UBQLN3: variants seen among roughly 807,000 people sequenced by gnomAD.
UBQLN3 encodes ubiquilin 3.
UBQLN3 carries 1 observed loss-of-function variant against 2.9 expected under a neutral mutation model. The ratio of observed to expected loss-of-function variants is 0.35; its 90% CI spans 0.12 to 1.66. The LOEUF (loss-of-function observed/expected upper bound fraction) is 1.66, where lower values mean the gene tolerates loss of function less well. Among genes scored for constraint, UBQLN3 ranks in the 40% most tolerant of loss-of-function variants. The pLI is 0.35. For missense variants in UBQLN3, 924 were observed against 816.5 expected, an observed-to-expected ratio of 1.13 and a Z score of -1.61; for synonymous variants, 358 against 317.6, an observed-to-expected ratio of 1.13 and a Z score of -1.35.
rs2234450 is a variant in UBQLN3, at chr11:5,508,700, T to C, written c.859A>G (p.Thr287Ala). Residue 287 changes from threonine (T) to alanine (A), a missense_variant, in exon 2 of 2, where the codon ACC (threonine) becomes GCC (alanine). Thr to Ala is a moderately conservative substitution (Grantham distance 58, BLOSUM62 0). Transcript: ENST00000311659. The surrounding 1 kb of genome is among the most constrained non-coding windows in gnomAD (Gnocchi z 4.2). ...PFATATTDNA[T>A]TTTSQPSRME... ...CTTGAAGGTTGGCTGGTGGTGGTGG[T>C]GGCATTATCAGTAGTGGCAGTGGCA... 6.2e-7 allele frequency: 1 copy of C among 1,613,974 alleles called. No homozygotes were observed. The highest frequency in any genetic ancestry group is 8.5e-7 in the Non-Finnish European group (1 of 1,180,000).
In UBQLN3 at chr11:5,509,333, G is replaced by A. The variant is rs1300855747; in HGVS notation, c.226C>T (p.Leu76=). ...AGKILKDPDS[L]AQCGVRDGLT... Reference sequence around the variant, plus strand: ...CCATCTCGCACTCCACACTGTGCCAGTGAGTCAGGATCCTTGAGGATTTTG... The same window carrying A: ...CCATCTCGCACTCCACACTGTGCCAATGAGTCAGGATCCTTGAGGATTTTG... The change falls in exon 2 of 2, where the codon CTG becomes TTG. Residue 76 remains leucine (L), a synonymous_variant. Coordinates refer to ENST00000311659, the MANE Select transcript of UBQLN3 (RefSeq NM_017481.4). The A allele has an allele frequency of 1.9e-6, 3 of 1,614,188 alleles. No individual in the cohort carries two copies. Among genetic ancestry groups the A allele is most frequent in the Middle Eastern group, 3.3e-4 (2 of 6,062 alleles).
rs1846419875 is a variant in UBQLN3 at position 5,508,491 on chromosome 11, T to C, written c.1068A>G (p.Leu356=). ...ATGCAGTCCCCTGTAGATAAGTTCC[T>C]AGGGACTGGGGGTTCTCGTGTAATT... ...LQQLHENPQS[L]GTYLQGTASA... Residue 356 remains leucine, a synonymous_variant, in exon 2 of 2, where the codon CTA becomes CTG. Coordinates refer to ENST00000311659, the MANE Select transcript of UBQLN3 (RefSeq NM_017481.4). This position sits in a 1 kb window ranked among gnomAD's most constrained non-coding sequence, Gnocchi z 4.2. 1.2e-6 allele frequency: 2 copies of C among 1,613,802 alleles called. No individual in the cohort carries two copies. Among genetic ancestry groups the C allele is most frequent in the Non-Finnish European group, 1.7e-6 (2 of 1,179,938 alleles).
chr11:5,508,901 T>C lies in UBQLN3; in HGVS notation c.658A>G (p.Thr220Ala). The C allele has an allele frequency of 6.2e-7, 1 of 1,614,236 alleles. No homozygotes were observed. The highest frequency in any genetic ancestry group is 8.5e-7 in the Non-Finnish European group (1 of 1,180,046). The change falls in exon 2 of 2, where the codon ACA (threonine) becomes GCA (alanine). Residue 220 changes from threonine to alanine, a missense_variant. By Grantham distance (58) the Thr-to-Ala change is moderately conservative. Coordinates refer to ENST00000311659, the MANE Select transcript of UBQLN3 (RefSeq NM_017481.4). This position sits in a 1 kb window ranked among gnomAD's most constrained non-coding sequence, Gnocchi z 4.2. ...ILNNPEIMRQ[T>A]LEFLRNPAMM... Reference sequence around the variant, plus strand: ...GCAGGGTTACGTAAAAACTCCAGTGTCTGCCGCATAATTTCCGGGTTGTTA... The same window carrying C: ...GCAGGGTTACGTAAAAACTCCAGTGCCTGCCGCATAATTTCCGGGTTGTTA...
Position 5,509,543 on chromosome 11 carries a change from CT to C in UBQLN3, c.15del (p.Glu6LysfsTer19). The C allele has an allele frequency of 6.2e-7, 1 of 1,613,336 alleles. No individual in the cohort carries two copies. Among genetic ancestry groups the C allele is most frequent in the East Asian group, 2.2e-5 (1 of 44,856 alleles). ...GCTGGGCTGCCCTGTGGCAGGGCTT[CT>C]CCACCTTTGGCCATGGTGGCAGCAG... MAKG[G>X]EALPQGSPAP... On this transcript the variant is annotated frameshift_variant, in exon 2 of 2. Coordinates refer to ENST00000311659, the MANE Select transcript of UBQLN3 (RefSeq NM_017481.4). LOFTEE classifies it low-confidence loss of function (END_TRUNC).
Position 5,508,037 on chromosome 11 carries a change from G to A in UBQLN3, c.1522C>T (p.Leu508=), listed in dbSNP as rs1156811079. ...QDEIQPQLPL[L]MHLQAAMANP... is the part of the protein sequence containing the mutation. ...GCCATGGCTGCCTGAAGGTGCATCA[G>A]CAGTGGCAGCTGTGGTTGTATCTCA... The change falls in exon 2 of 2, where the codon CTG becomes TTG. Residue 508 remains leucine (L), a synonymous_variant. Transcript: ENST00000311659. The surrounding 1 kb of genome is among the most constrained non-coding windows in gnomAD (Gnocchi z 4.2). 1 of 1,613,938 alleles carries A rather than the reference G, an allele frequency of 6.2e-7. No homozygotes were observed. Among genetic ancestry groups the A allele is most frequent in the Non-Finnish European group, 8.5e-7 (1 of 1,180,050 alleles).
chr11:5,509,173 G>T lies in UBQLN3; in HGVS notation c.386C>A (p.Pro129His). The T allele has an allele frequency of 6.2e-7, 1 of 1,613,926 alleles. No individual in the cohort carries two copies. The highest frequency in any genetic ancestry group is 8.5e-7 in the Non-Finnish European group (1 of 1,179,854). Residue 129 changes from proline (P) to histidine (H), a missense_variant, in exon 2 of 2, where the codon CCC becomes CAC. Coordinates refer to ENST00000311659, the MANE Select transcript of UBQLN3 (RefSeq NM_017481.4). ...GAGGAGACCTAAGCTAAAGGCAGGG[G>T]GCCCATCTGCTGGGTAAATGGAGCT... is the stretch of plus-strand genomic sequence containing the variant. Reference protein sequence around the residue: ...QPSSIYPADGPPAFSLGLLTG... With the variant: ...QPSSIYPADGHPAFSLGLLTG...
intron 1 of UBQLN3, 125 bp from the exon 2 acceptor site, chr11:5,509,719 C>T (rs181455367): frequency 8.1e-7 from 1 of 1,235,482 alleles, no homozygotes. Flanking sequence ...ATGAAAGGGG[C>T]CATGAGGTTT....
At position 5,508,406 on chromosome 11, in the gene UBQLN3, G is replaced by T; in HGVS notation, c.1153C>A (p.Pro385Thr). ...CCTGACCCAGGCTCCTGAGATGAGG[G>T]TGACGATGGGGGAACTCTGTTTACT... ...PSVNRVPPSS[P>T]SSQEPGSGQP... Residue 385 changes from proline to threonine, a missense_variant, in exon 2 of 2, where the codon CCC becomes ACC. Coordinates refer to ENST00000311659, the MANE Select transcript of UBQLN3 (RefSeq NM_017481.4). The surrounding 1 kb of genome is among the most constrained non-coding windows in gnomAD (Gnocchi z 4.2). The T allele has an allele frequency of 6.2e-7, 1 of 1,601,942 alleles. No individual in the cohort carries two copies. The highest frequency in any genetic ancestry group is 1.1e-5 in the South Asian group (1 of 88,850).
In UBQLN3 at chr11:5,507,707, C is replaced by T. The variant is rs199901124; in HGVS notation, c.1852G>A (p.Val618Met). 2.1e-4 allele frequency: 331 copies of T among 1,614,022 alleles called. No homozygotes were observed. Among genetic ancestry groups the T allele is most frequent in the Non-Finnish European group, 2.7e-4 (319 of 1,179,990 alleles). Residue 618 changes from valine (V) to methionine (M), a missense_variant, in exon 2 of 2, where the codon GTG becomes ATG. Coordinates refer to ENST00000311659, the MANE Select transcript of UBQLN3 (RefSeq NM_017481.4). ...QQLQPEAHFQ[V>M]QLEQLRSMGF... Reference sequence around the variant, plus strand: ...ATGGACCGCAGTTGCTCCAGCTGCACCTGAAAGTGAGCCTCAGGCTGCAGC... The same window carrying T: ...ATGGACCGCAGTTGCTCCAGCTGCATCTGAAAGTGAGCCTCAGGCTGCAGC...
rs918673858 is a variant in UBQLN3, at chr11:5,507,347, A to C, written c.*244T>G. The C allele has an allele frequency of 3.7e-6, 2 of 535,948 alleles. No individual in the cohort carries two copies. Among genetic ancestry groups the C allele is most frequent in the Admixed American group, 3.9e-5 (1 of 25,816 alleles). 33.2% of individuals were successfully genotyped at this position (535,948 alleles called of 1,614,324 possible). On this transcript the variant is annotated 3_prime_UTR_variant, in exon 2 of 2. Coordinates refer to ENST00000311659, the MANE Select transcript of UBQLN3 (RefSeq NM_017481.4). ...ATTGCATCTCAAGATAGGCATAAGCAGAGCTTAGACTGGGGCCCCCCAGTG... is the reference window on the plus strand; with the variant it reads ...ATTGCATCTCAAGATAGGCATAAGCCGAGCTTAGACTGGGGCCCCCCAGTG...
Position 5,509,253 on chromosome 11 carries a change from G to A in UBQLN3, c.306C>T (p.Cys102=). The change falls in exon 2 of 2, where the codon TGC becomes TGT. Residue 102 remains cysteine, a synonymous_variant. Coordinates refer to ENST00000311659, the MANE Select transcript of UBQLN3 (RefSeq NM_017481.4). Reference sequence around the variant, plus strand: ...CCTGGGTAGGGACAGAGGCAGCTGGGCACTCATTGCCCATGGCACGGTGCT... The same window carrying A: ...CCTGGGTAGGGACAGAGGCAGCTGGACACTCATTGCCCATGGCACGGTGCT... ...KRQHRAMGNE[C]PAASVPTQGP... The A allele has an allele frequency of 6.2e-7, 1 of 1,614,186 alleles. No individual in the cohort carries two copies. The highest frequency in any genetic ancestry group is 8.5e-7 in the Non-Finnish European group (1 of 1,180,028).
chr11:5,507,940 C>T lies in UBQLN3; in HGVS notation c.1619G>A (p.Arg540His), dbSNP rs144562442. 33 of 1,613,798 alleles carry T rather than the reference C, an allele frequency of 2.0e-5. No individual in the cohort carries two copies. The highest frequency in any genetic ancestry group is 1.2e-4 in the South Asian group (11 of 91,088). Residue 540 changes from arginine to histidine, a missense_variant, in exon 2 of 2, where the codon CGC becomes CAC. Coordinates refer to ENST00000311659, the MANE Select transcript of UBQLN3 (RefSeq NM_017481.4). ...GLQVLATEAPRLLLWFMPCLA... is the reference protein window; with the variant it reads ...GLQVLATEAPHLLLWFMPCLA... ...GCAAGGCATGAACCAGAGTAGGAGG[C>T]GAGGTGCTTCAGTAGCTAGGACCTG...
chr11:5,509,209 A>T lies in UBQLN3; in HGVS notation c.350T>A (p.Leu117His), dbSNP rs148097939. 4.0e-5 allele frequency: 64 copies of T among 1,614,056 alleles called. No individual in the cohort carries two copies. The African/African-American group carries it at 8.5e-4, about 22-fold the overall frequency. ...TGGGTAAATGGAGCTTGGCTGAGGG[A>T]GTGATCCAGGACTTGGGCCCTGGGT... is the stretch of plus-strand genomic sequence containing the variant. ...VPTQGPSPGS[L>H]PQPSSIYPAD... Residue 117 changes from leucine to histidine, a missense_variant, in exon 2 of 2, where the codon CTC (leucine) becomes CAC (histidine). By Grantham distance (99) the Leu-to-His change is moderately conservative. Transcript: ENST00000311659.
chr11:5,507,916 C>A lies in UBQLN3; in HGVS notation c.1643G>T (p.Cys548Phe). ...TGCCACACTACCCGTCCCTGCTAGG[C>A]AAGGCATGAACCAGAGTAGGAGGCG... Reference protein sequence around the residue: ...APRLLLWFMPCLAGTGSVAGG... With the variant: ...APRLLLWFMPFLAGTGSVAGG... The change falls in exon 2 of 2, where the codon TGC (cysteine) becomes TTC (phenylalanine). Residue 548 changes from cysteine (C) to phenylalanine (F), a missense_variant. Coordinates refer to ENST00000311659, the MANE Select transcript of UBQLN3 (RefSeq NM_017481.4). The A allele has an allele frequency of 6.2e-7, 1 of 1,613,910 alleles. No homozygotes were observed. The highest frequency in any genetic ancestry group is 1.1e-5 in the South Asian group (1 of 91,084).
chr11:5,509,601 G>T lies in UBQLN3; in HGVS notation c.-36-7C>A, dbSNP rs1255359983. Reference sequence around the variant, plus strand: ...CAGATCTGTGGGGACACAGCTAGGGGCATGGGGATTGGAGACCAAGATCAT... The same window carrying T: ...CAGATCTGTGGGGACACAGCTAGGGTCATGGGGATTGGAGACCAAGATCAT... On this transcript the variant is annotated splice_region_variant and splice_polypyrimidine_tract_variant and intron_variant, in intron 1 of 1. Transcript: ENST00000311659. The T allele has an allele frequency of 6.3e-7, 1 of 1,576,848 alleles. No homozygotes were observed. The highest frequency in any genetic ancestry group is 8.6e-7 in the Non-Finnish European group (1 of 1,164,670).
In UBQLN3 at chr11:5,507,870, T is replaced by C. The variant is rs769925653; in HGVS notation, c.1689A>G (p.Glu563=). 3 of 1,613,838 alleles carry C rather than the reference T, an allele frequency of 1.9e-6. No homozygotes were observed. Among genetic ancestry groups the C allele is most frequent in the Non-Finnish European group, 2.5e-6 (3 of 1,180,034 alleles). Reference sequence around the variant, plus strand: ...GAGGATCCTCAGACATAAGGGGATCTTCTCTAGACTCTATACCTCCTGCCA... The same window carrying C: ...GAGGATCCTCAGACATAAGGGGATCCTCTCTAGACTCTATACCTCCTGCCA... ...GSVAGGIESR[E]DPLMSEDPLP... The change falls in exon 2 of 2, where the codon GAA becomes GAG. Residue 563 remains glutamate, a synonymous_variant. Coordinates refer to ENST00000311659, the MANE Select transcript of UBQLN3 (RefSeq NM_017481.4).
Position 5,508,687 on chromosome 11 carries a change from C to T in UBQLN3, c.872G>A (p.Ser291Asn), listed in dbSNP as rs1164703122. The T allele has an allele frequency of 3.7e-6, 6 of 1,613,806 alleles. No individual in the cohort carries two copies. Among genetic ancestry groups the T allele is most frequent in the Non-Finnish European group, 5.1e-6 (6 of 1,179,982 alleles). Residue 291 changes from serine (S) to asparagine (N), a missense_variant, in exon 2 of 2, where the codon AGC becomes AAC. Transcript: ENST00000311659. This position sits in a 1 kb window ranked among gnomAD's most constrained non-coding sequence, Gnocchi z 4.2. ...ACAATTCTCCATCCTTGAAGGTTGG[C>T]TGGTGGTGGTGGTGGCATTATCAGT... ...ATTDNATTTT[S>N]QPSRMENCDP...
At position 5,507,883 on chromosome 11, in the gene UBQLN3, A is replaced by G. The variant is rs771458674; in HGVS notation, c.1676T>C (p.Ile559Thr). The change falls in exon 2 of 2, where the codon ATA (isoleucine) becomes ACA (threonine). Residue 559 changes from isoleucine to threonine, a missense_variant. Physicochemically the swap from Ile to Thr is moderately conservative, Grantham distance 89. Coordinates refer to ENST00000311659, the MANE Select transcript of UBQLN3 (RefSeq NM_017481.4). ...CATAAGGGGATCTTCTCTAGACTCTATACCTCCTGCCACACTACCCGTCCC... is the reference window on the plus strand; with the variant it reads ...CATAAGGGGATCTTCTCTAGACTCTGTACCTCCTGCCACACTACCCGTCCC... ...LAGTGSVAGG[I>T]ESREDPLMSE... The G allele has an allele frequency of 2.2e-5, 35 of 1,613,790 alleles. No individual in the cohort carries two copies. In the South Asian group the frequency reaches 3.7e-4, roughly 17 times the overall value.
chr11:5,509,127 G>T lies in UBQLN3; in HGVS notation c.432C>A (p.Gly144=). ...LGLLTGLSRL[G]LAYRGFPDQP... ...GGTCAGGGAAGCCACGATAGGCCAA[G>T]CCCAGCCTACTGAGGCCTGTGAGGA... The change falls in exon 2 of 2, where the codon GGC becomes GGA. Residue 144 remains glycine (G), a synonymous_variant. Coordinates refer to ENST00000311659, the MANE Select transcript of UBQLN3 (RefSeq NM_017481.4). The T allele has an allele frequency of 6.2e-7, 1 of 1,614,142 alleles. No homozygotes were observed. Among genetic ancestry groups the T allele is most frequent in the East Asian group, 2.2e-5 (1 of 44,870 alleles).
Sources: gnomAD v4.1 joint callset for allele counts on GRCh38, gnomAD v4.1.1 for gene constraint, Gnocchi (gnomAD v3.1) non-coding constraint, MANE v1.5 for transcripts, NCBI Gene and HGNC (gene_info 2026-07-23, HGNC 2026-07-21) for gene names.